ARMH4: variants seen among roughly 807,000 people sequenced by gnomAD.
ARMH4 encodes the protein armadillo-like helical domain-containing protein 4.
ARMH4 carries 49 observed loss-of-function variants against 61.9 expected under a neutral mutation model. The observed-to-expected ratio is 0.79, with a 90% CI of 0.63 to 1.00. The LOEUF (loss-of-function observed/expected upper bound fraction) is 1.00, where lower values mean the gene tolerates loss of function less well. ARMH4 is among the 50% of genes least tolerant of loss of function. The pLI is 0.00. For synonymous variants in ARMH4, 368 were observed against 341.5 expected, an observed-to-expected ratio of 1.08 and a Z score of -0.85; for missense variants, 934 against 930.0, an observed-to-expected ratio of 1.00 and a Z score of -0.06.
intron 5 of ARMH4, among the ~76,000 whole-genome samples, chr14:58,021,416 T>TCTGCCATGATTGTGAGGCCTCCG (rs1032512086): frequency 2.0e-5 from 3 of 152,248 alleles, no homozygotes; most frequent in Admixed American, 1.3e-4. Context: ...TCCTTAGCCT[T>TCTGCCATGATTGTGAGGCCTCCG]CTGCCATGAT....
chr14:58,091,629 C>T (rs562019580), intron 5 of ARMH4, among the ~76,000 whole-genome samples: 5 of 152,232 alleles, frequency 3.3e-5, no homozygotes, highest in African/African-American at 1.2e-4. Flanking sequence ...TTTGGTCATA[C>T]TGATTTTTAC....
chr14:58,073,071 T>C (rs1884936746), intron 5 of ARMH4, among the ~76,000 whole-genome samples: 1 of 152,144 alleles, frequency 6.6e-6, no homozygotes. Context: ...CTAGAGGAAA[T>C]GCATAGCAAA....
intron 4 of ARMH4, among the ~76,000 whole-genome samples, chr14:58,104,174 CCAACATG>C (rs1465005470): frequency 6.6e-6 from 1 of 152,140 alleles, no homozygotes; most frequent in Admixed American, 6.5e-5. Flanking sequence ...CCTGAAATGT[CCAACATG>C]AGATGCCTTC....
chr14:58,103,517 GC>G (rs146294045), intron 4 of ARMH4, among the ~76,000 whole-genome samples: 11 of 149,926 alleles, frequency 7.3e-5, no homozygotes, highest in African/African-American at 2.2e-4. Context: ...ACCAACTCCC[GC>G]CCCCCCCAAA....
At chr14:58,137,608 G>A (rs1315740221) in intron 2 of ARMH4, among the ~76,000 whole-genome samples, 1 of 152,128 alleles carries the variant, frequency 6.6e-6, no homozygotes, top group Non-Finnish European at 1.5e-5. Context: ...ATGTTGGCCA[G>A]GCTGGTCTCG....
At chr14:58,142,807 G>A (rs1264186976) in intron 1 of ARMH4, among the ~76,000 whole-genome samples, 1 of 151,954 alleles carries the variant, frequency 6.6e-6, no homozygotes, top group African/African-American at 2.4e-5. Context: ...TCCCCAGGCT[G>A]GACTTGAACT....
chr14:58,092,328 G>T (rs935075412), intron 5 of ARMH4, among the ~76,000 whole-genome samples: 7 of 152,140 alleles, frequency 4.6e-5, no homozygotes, highest in Non-Finnish European at 1.0e-4. Context: ...CATTTTTATT[G>T]ATTCATTACA....
At chr14:58,135,627 T>A (rs755832548) in intron 2 of ARMH4, among the ~76,000 whole-genome samples, 3 of 152,180 alleles carry the variant, frequency 2.0e-5, no homozygotes, top group African/African-American at 7.2e-5. Context: ...TTCTTCCTAC[T>A]TCATGTAGGA....
chr14:58,082,426 C>T (rs1000985419), intron 5 of ARMH4, among the ~76,000 whole-genome samples: 29 of 152,274 alleles, frequency 1.9e-4, no homozygotes, highest in African/African-American at 6.7e-4. Flanking sequence ...TAGATCTATC[C>T]TATGAGTGAA....
chr14:58,115,556 G>T (rs1886489892), intron 4 of ARMH4, among the ~76,000 whole-genome samples: 1 of 152,138 alleles, frequency 6.6e-6, no homozygotes, highest in Non-Finnish European at 1.5e-5. Flanking sequence ...ATTTGATTCA[G>T]CAATCCCATT....
intron 4 of ARMH4, among the ~76,000 whole-genome samples, chr14:58,104,134 T>C (rs1886090683): frequency 6.6e-6 from 1 of 152,204 alleles, no homozygotes; most frequent in South Asian, 2.1e-4. Flanking sequence ...ACACTCACTT[T>C]GGTAGAGATT....
chr14:58,027,598 A>G (rs919689640), intron 5 of ARMH4, among the ~76,000 whole-genome samples: 3 of 152,052 alleles, frequency 2.0e-5, no homozygotes, highest in Non-Finnish European at 2.9e-5. Flanking sequence ...CACCACAATC[A>G]AACTAATTAA....
chr14:58,052,694 TC>T (rs1421095068), intron 5 of ARMH4, among the ~76,000 whole-genome samples: 3 of 152,150 alleles, frequency 2.0e-5, no homozygotes, highest in Non-Finnish European at 2.9e-5. Flanking sequence ...ATTATCCTTG[TC>T]CCTCTGACCT....
intron 4 of ARMH4, among the ~76,000 whole-genome samples, chr14:58,120,129 G>T (rs761119049): frequency 2.0e-5 from 3 of 151,984 alleles, no homozygotes; most frequent in African/African-American, 7.3e-5. Context: ...TTGCTCCTAG[G>T]CTCCAAACAT....
chr14:58,141,333 G>C (rs1887543179), intron 1 of ARMH4: 1 of 480,200 alleles, frequency 2.1e-6, no homozygotes, highest in Non-Finnish European at 4.2e-6. Flanking sequence ...TTGAGGTCAA[G>C]CCCACCGACA....
intron 1 of ARMH4, among the ~76,000 whole-genome samples, chr14:58,144,678 T>C (rs1268253505): frequency 6.6e-6 from 1 of 152,090 alleles, no homozygotes; most frequent in Non-Finnish European, 1.5e-5. Context: ...CCATCCTGGC[T>C]AACACGGTGA....
intron 5 of ARMH4, among the ~76,000 whole-genome samples, chr14:58,084,544 T>A (rs901962235): frequency 2.0e-5 from 3 of 152,230 alleles, no homozygotes; most frequent in African/African-American, 7.2e-5. Flanking sequence ...GTTGCCAATA[T>A]GACTTCAGGT....
At chr14:58,085,703 C>T (rs1011801113) in intron 5 of ARMH4, among the ~76,000 whole-genome samples, 2 of 152,068 alleles carry the variant, frequency 1.3e-5, no homozygotes, top group African/African-American at 4.8e-5. Context: ...AGCATTGAGT[C>T]TATTATTTCA....
At chr14:58,054,464 C>T (rs1295795711) in intron 5 of ARMH4, among the ~76,000 whole-genome samples, 1 of 152,212 alleles carries the variant, frequency 6.6e-6, no homozygotes, top group Non-Finnish European at 1.5e-5. Context: ...TATCCAAGGA[C>T]ATCGTTTCTT....
Sources: gnomAD v4.1 joint callset for allele counts (sites outside exome capture counted in the v4.1 genomes callset) on GRCh38, gnomAD v4.1.1 for gene constraint, MANE v1.5 for transcripts, NCBI Gene and HGNC (gene_info 2026-07-23, HGNC 2026-07-21) for gene names.